EP400: variants seen among roughly 807,000 people sequenced by gnomAD.
EP400 encodes the protein E1A-binding protein p400.
In EP400, 105 loss-of-function variants were observed where a neutral mutation model predicts 354.1. The ratio of observed to expected loss-of-function variants is 0.30; its 90% CI spans 0.25 to 0.35. The LOEUF (loss-of-function observed/expected upper bound fraction) is 0.35. EP400 is among the 10% of genes least tolerant of loss of function. The probability of loss-of-function intolerance (pLI) is 1.00; values close to 1 mark genes in which losing one functional copy is unlikely to be tolerated. For synonymous variants in EP400, 1,646 were observed against 1,716.9 expected (o/e 0.96, Z 1.02); for missense variants, 3,280 against 4,121.0 (o/e 0.80, Z 5.59).
intron 45 of EP400, among the ~76,000 whole-genome samples, chr12:132,060,942 CAAAA>C (rs1895674049): frequency 1.4e-5 from 2 of 148,094 alleles, no homozygotes; most frequent in African/African-American, 2.5e-5. Context: ...AAAAACAAAA[CAAAA>C]CAAAAAAAAA....
At chr12:132,003,607 C>T (rs935649546) in intron 12 of EP400, among the ~76,000 whole-genome samples, 4 of 152,136 alleles carry the variant, frequency 2.6e-5, no homozygotes, top group African/African-American at 7.2e-5. Context: ...TATCTTCTTA[C>T]TGGAAGTTTC....
intron 14 of EP400, 149 bp downstream of exon 14, chr12:132,006,451 TC>T: frequency 9.4e-7 from 1 of 1,063,892 alleles, no homozygotes; most frequent in Non-Finnish European, 1.3e-6. Context: ...GTGCCTGTAG[TC>T]CCAGCTACTC....
chr12:132,067,369 C>A lies in EP400; in HGVS notation c.8757C>A (p.Thr2919=). 2 of 1,613,342 alleles carry A rather than the reference C, an allele frequency of 1.2e-6. No homozygotes were observed. Among genetic ancestry groups the A allele is most frequent in the South Asian group, 2.2e-5 (2 of 91,054 alleles). The change falls in exon 50 of 53, where the codon ACC becomes ACA. Residue 2919 remains threonine (T), a synonymous_variant. Transcript: ENST00000389561. This position sits in a 1 kb window ranked among gnomAD's most constrained non-coding sequence, Gnocchi z 5.3. ...IGQPQKAAGQ[T]VVAQPVHMQQ... The stretch of plus-strand genomic sequence containing the variant: ...GGCTTTTGCTGCCTGCAGGACAGAC[C>A]GTGGTGGCCCAGCCCGTGCACATGC...
chr12:132,072,454 C>T (rs1052920098), intron 51 of EP400, among the ~76,000 whole-genome samples: 5 of 152,104 alleles, frequency 3.3e-5, no homozygotes, highest in African/African-American at 1.2e-4. Context: ...TTCTTAATTT[C>T]CAGGTGAGGT....
chr12:132,060,565 G>A (rs781136049), intron 45 of EP400, among the ~76,000 whole-genome samples: 2 of 152,140 alleles, frequency 1.3e-5, no homozygotes, highest in Non-Finnish European at 2.9e-5. Flanking sequence ...GGTCGTTGTC[G>A]TGCCAGGGAA....
rs1893690744 is a variant in EP400, at chr12:132,009,437, T to C, written c.3305-2061T>C. ...CTTGAAATGGGCTAATGACCCAGCA[T>C]AGTGACAGGAGCCTGGCCAGCTGGA... On this transcript the variant is annotated intron_variant, in intron 15 of 52. Coordinates refer to ENST00000389561, the MANE Select transcript of EP400 (RefSeq NM_015409.5). Among the ~76,000 whole-genome samples the C allele has an allele frequency of 2.0e-5, 3 of 152,012 alleles. No individual in the cohort carries two copies. In the South Asian group the frequency reaches 6.2e-4, roughly 31 times the overall value.
chr12:132,048,244 G>T (rs1003898432), intron 39 of EP400, among the ~76,000 whole-genome samples: 5 of 152,180 alleles, frequency 3.3e-5, no homozygotes, highest in African/African-American at 1.2e-4. Flanking sequence ...AATCACAAGG[G>T]TATTGACTGG....
intron 7 of EP400, among the ~76,000 whole-genome samples, chr12:131,989,498 G>A (rs916452501): frequency 3.3e-5 from 5 of 152,232 alleles, no homozygotes; most frequent in African/African-American, 1.2e-4. Flanking sequence ...CCCATTTGAG[G>A]TTCTGTTGGT....
At chr12:132,008,066 A>C (rs1593342612) in intron 15 of EP400, among the ~76,000 whole-genome samples, 1 of 152,224 alleles carries the variant, frequency 6.6e-6, no homozygotes, top group East Asian at 1.9e-4. Context: ...CTCCAGCCTC[A>C]GCCTCCCAAG....
At chr12:131,962,877 TCTG>T (rs1891940907) in intron 2 of EP400, among the ~76,000 whole-genome samples, 1 of 152,266 alleles carries the variant, frequency 6.6e-6, no homozygotes, top group African/African-American at 2.4e-5. Flanking sequence ...TGCAAAGAAA[TCTG>T]CTTTTGCTGA....
intron 10 of EP400, 93 bp from the exon 11 acceptor site, chr12:131,992,080 C>A: frequency 1.4e-6 from 2 of 1,401,616 alleles, no homozygotes; most frequent in Non-Finnish European, 2.0e-6. Flanking sequence ...TGCCCCGGGG[C>A]TCCCCCAACC....
At chr12:131,952,375 T>C (rs1891542047) in intron 1 of EP400, among the ~76,000 whole-genome samples, 1 of 151,474 alleles carries the variant, frequency 6.6e-6, no homozygotes. Context: ...CTCAAACTCC[T>C]GATCTCAGTG....
chr12:132,064,669 A>G lies in EP400; in HGVS notation c.8336A>G (p.Glu2779Gly). 2 of 1,610,706 alleles carry G rather than the reference A, an allele frequency of 1.2e-6. No individual in the cohort carries two copies. Among genetic ancestry groups the G allele is most frequent in the Non-Finnish European group, 1.7e-6 (2 of 1,177,454 alleles). ...QIKAVGKLTP[E>G]HLIKMQKQKL... ...GAAGATACTTTGCTTGTATTTTAGGAACACCTCATCAAAATGCAGAAGCAG... is the reference window on the plus strand; with the variant it reads ...GAAGATACTTTGCTTGTATTTTAGGGACACCTCATCAAAATGCAGAAGCAG... Residue 2779 changes from glutamate to glycine, a missense_variant and splice_region_variant, in exon 48 of 53, where the codon GAA becomes GGA. By Grantham distance (98) the Glu-to-Gly change is moderately conservative. Transcript: ENST00000389561.
At position 132,029,808 on chromosome 12, in the gene EP400, G is replaced by A; in HGVS notation, c.5489G>A (p.Arg1830Lys). Residue 1830 changes from arginine to lysine, a missense_variant, in exon 28 of 53, where the codon AGA becomes AAA. By Grantham distance (26) the Arg-to-Lys change is conservative. Transcript: ENST00000389561. This position sits in a 1 kb window ranked among gnomAD's most constrained non-coding sequence, Gnocchi z 4.7. ...HRMRILRQGL[R>K]EHAAPYFQQL... ...ATGAGGATCTTGAGGCAGGGCCTGAGAGAGCACGCTGCGCCGTACTTCCAG... is the reference window on the plus strand; with the variant it reads ...ATGAGGATCTTGAGGCAGGGCCTGAAAGAGCACGCTGCGCCGTACTTCCAG... 7.4e-6 allele frequency: 12 copies of A among 1,613,596 alleles called. No homozygotes were observed. Among genetic ancestry groups the A allele is most frequent in the Non-Finnish European group, 1.0e-5 (12 of 1,180,052 alleles).
chr12:131,958,172 A>G lies in EP400; in HGVS notation c.-35-2413A>G, dbSNP rs572565357. Among the ~76,000 whole-genome samples, 3 of 152,314 alleles carry G rather than the reference A, an allele frequency of 2.0e-5. No individual in the cohort carries two copies. In the South Asian group the frequency reaches 6.2e-4, roughly 32 times the overall value. The stretch of plus-strand genomic sequence containing the variant: ...CAGTTTCACACTAATCTCCTATCAT[A>G]ATGTTTGTTTAGTAAGATCAGGAAC... On this transcript the variant is annotated intron_variant, in intron 1 of 52. Coordinates refer to ENST00000389561, the MANE Select transcript of EP400 (RefSeq NM_015409.5).
At chr12:132,023,450 C>A (rs1349171726) in intron 23 of EP400, among the ~76,000 whole-genome samples, 1 of 151,628 alleles carries the variant, frequency 6.6e-6, no homozygotes, top group African/African-American at 2.4e-5. Context: ...GCCACTGCAC[C>A]CAGCTGATTT....
intron 51 of EP400, among the ~76,000 whole-genome samples, chr12:132,072,472 T>C (rs1896095870): frequency 1.3e-5 from 2 of 152,254 alleles, no homozygotes; most frequent in Non-Finnish European, 2.9e-5. Context: ...GGTTTTCCAG[T>C]TACTTTTTAT....
chr12:132,000,647 T>A (rs1358620468), intron 12 of EP400, among the ~76,000 whole-genome samples: 1 of 152,258 alleles, frequency 6.6e-6, no homozygotes. Context: ...AGTATGTGCA[T>A]ATATAGGTTT....
At chr12:132,028,641 A>G (rs977437188) in intron 27 of EP400, among the ~76,000 whole-genome samples, 2 of 152,252 alleles carry the variant, frequency 1.3e-5, no homozygotes, top group Middle Eastern at 3.2e-3. Flanking sequence ...GAGTGAGTGA[A>G]CATTACATGA....
Sources: allele counts gnomAD v4.1 joint callset (sites outside exome capture counted in the v4.1 genomes callset), GRCh38; gene constraint gnomAD v4.1.1; non-coding constraint Gnocchi (gnomAD v3.1); transcripts MANE v1.5; gene names NCBI Gene and HGNC (gene_info 2026-07-23, HGNC 2026-07-21).